The following HDHD2 variants were observed in gnomAD, a reference collection of about 807,000 sequenced individuals.
The protein encoded by HDHD2 is haloacid dehalogenase like hydrolase domain containing 2.
In HDHD2, 26 loss-of-function variants were observed where a neutral mutation model predicts 24.8. The observed-to-expected ratio is 1.05, with a 90% CI of 0.77 to 1.45. The LOEUF (loss-of-function observed/expected upper bound fraction) is 1.45, where lower values mean the gene tolerates loss of function less well. Ranked by LOEUF, HDHD2 falls within the 40% of genes most tolerant of loss-of-function variation. HDHD2 has a pLI of 0.00. For missense variants in HDHD2, 299 were observed against 313.4 expected, an observed-to-expected ratio of 0.95 and a Z score of 0.35; for synonymous variants, 128 against 114.9, an observed-to-expected ratio of 1.11 and a Z score of -0.73.
intron 3 of HDHD2, chr18:47,134,283 G>C: frequency 1.0e-5 from 6 of 584,258 alleles, no homozygotes; most frequent in Non-Finnish European, 1.8e-5. Context: ...ATATAGATAT[G>C]TATTAGGTTA....
intron 1 of HDHD2, among the ~76,000 whole-genome samples, chr18:47,147,747 G>A (rs990460967): frequency 6.6e-6 from 1 of 152,112 alleles, no homozygotes; most frequent in Non-Finnish European, 1.5e-5. Flanking sequence ...CAGGCTTAAT[G>A]TTACCAAAAC....
chr18:47,138,394 T>C (rs568596695), intron 1 of HDHD2, among the ~76,000 whole-genome samples: 1 of 151,832 alleles, frequency 6.6e-6, no homozygotes, highest in South Asian at 2.1e-4. Context: ...CTAAAGAAAA[T>C]TGTACAAAAC....
chr18:47,150,234 GCA>G (rs1023768066), intron 1 of HDHD2, 142 bp downstream of exon 1: 3 of 152,328 alleles, frequency 2.0e-5, no homozygotes, highest in Non-Finnish European at 2.9e-5. Flanking sequence ...CAGGGAATGC[GCA>G]CAGAGCAAGA....
At chr18:47,139,529 T>G (rs2063800959) in intron 1 of HDHD2, among the ~76,000 whole-genome samples, 2 of 151,208 alleles carry the variant, frequency 1.3e-5, no homozygotes, top group Non-Finnish European at 2.9e-5. Flanking sequence ...AGTAAGTGTT[T>G]CCCTGAATTT....
intron 1 of HDHD2, 160 bp downstream of exon 1, chr18:47,150,218 G>C (rs1351025857): frequency 6.6e-6 from 1 of 152,298 alleles, no homozygotes; most frequent in East Asian, 1.9e-4. Flanking sequence ...GTTCCGACGC[G>C]GAAAACAGGG....
intron 1 of HDHD2, chr18:47,136,978 C>T: frequency 3.5e-6 from 2 of 571,246 alleles, no homozygotes; most frequent in Non-Finnish European, 6.5e-6. Context: ...CATGGTACCT[C>T]TTTTGTGAAG....
intron 4 of HDHD2, among the ~76,000 whole-genome samples, chr18:47,128,500 C>T (rs2063681889): frequency 6.6e-6 from 1 of 152,118 alleles, no homozygotes; most frequent in African/African-American, 2.4e-5. Flanking sequence ...CAACCAAAGG[C>T]CAAAGTAGGA....
intron 1 of HDHD2, among the ~76,000 whole-genome samples, chr18:47,140,953 T>C (rs1184358093): frequency 1.3e-5 from 2 of 152,222 alleles, no homozygotes; most frequent in Non-Finnish European, 2.9e-5. Flanking sequence ...CCACAAGTGA[T>C]AATTTTTTCT....
intron 4 of HDHD2, among the ~76,000 whole-genome samples, chr18:47,129,659 A>G (rs557696597): frequency 1.3e-5 from 2 of 152,328 alleles, no homozygotes; most frequent in East Asian, 1.9e-4. Context: ...ACTCTTTTCC[A>G]TAACCTGGAT....
At chr18:47,147,392 G>A (rs931994808) in intron 1 of HDHD2, among the ~76,000 whole-genome samples, 4 of 152,156 alleles carry the variant, frequency 2.6e-5, no homozygotes, top group African/African-American at 7.2e-5. Flanking sequence ...TTACCTCCCT[G>A]AGACAGAAAA....
chr18:47,132,748 A>C (rs543237615), intron 3 of HDHD2, among the ~76,000 whole-genome samples: 1 of 152,366 alleles, frequency 6.6e-6, no homozygotes, highest in South Asian at 2.1e-4. Flanking sequence ...CTCTGAAAAG[A>C]AGCAATGTGG....
chr18:47,141,221 C>T (rs114471713), intron 1 of HDHD2, among the ~76,000 whole-genome samples: 1,595 of 152,302 alleles, frequency 0.01, 25 homozygotes, highest in African/African-American at 0.037. Flanking sequence ...GAGATGATCA[C>T]ATTTTTTCCC....
chr18:47,150,237 C>T (rs970906132), intron 1 of HDHD2, 141 bp downstream of exon 1: 1 of 152,332 alleles, frequency 6.6e-6, no homozygotes, highest in Non-Finnish European at 1.5e-5. Context: ...GGAATGCGCA[C>T]AGAGCAAGAG....
chr18:47,149,586 GCT>G (rs2063909090), intron 1 of HDHD2, among the ~76,000 whole-genome samples: 1 of 152,016 alleles, frequency 6.6e-6, no homozygotes, highest in Non-Finnish European at 1.5e-5. Context: ...GCGGCCAAGA[GCT>G]CTACACTTTG....
In HDHD2 at chr18:47,119,600, G is replaced by A. The variant is rs561619634; in HGVS notation, c.396-4252C>T. ...ATCTGCAGTTACTTCCTTCACTGAA[G>A]TCTTGAACCCCTCAAAGTCATCCAT... On this transcript the variant is annotated intron_variant, in intron 4 of 6. Coordinates refer to ENST00000300605, the MANE Select transcript of HDHD2 (RefSeq NM_032124.5). Among the ~76,000 whole-genome samples the A allele has an allele frequency of 5.1e-4, 77 of 152,278 alleles. 1 individual carries two copies. The South Asian group carries it at 0.016, about 31-fold the overall frequency.
chr18:47,121,268 T>C (rs1054834048), intron 4 of HDHD2, among the ~76,000 whole-genome samples: 1 of 152,158 alleles, frequency 6.6e-6, no homozygotes, highest in Non-Finnish European at 1.5e-5. Context: ...ACACCTACCA[T>C]ATGTCCAACG....
chr18:47,126,155 G>A (rs1339383767), intron 4 of HDHD2, among the ~76,000 whole-genome samples: 1 of 152,122 alleles, frequency 6.6e-6, no homozygotes, highest in Non-Finnish European at 1.5e-5. Flanking sequence ...CTTTAATTAA[G>A]AACACTGCAT....
chr18:47,124,724 A>C (rs1394087588), intron 4 of HDHD2, among the ~76,000 whole-genome samples: 4 of 151,418 alleles, frequency 2.6e-5, no homozygotes, highest in African/African-American at 9.7e-5. Context: ...AAAAAAAAAA[A>C]AAAACAACTT....
chr18:47,132,218 T>C (rs1032528549), intron 3 of HDHD2, among the ~76,000 whole-genome samples: 3 of 152,224 alleles, frequency 2.0e-5, no homozygotes, highest in East Asian at 1.9e-4. Flanking sequence ...CATCTTACTT[T>C]TTTCATTTAA....
Sources: gnomAD v4.1 joint callset for allele counts (sites outside exome capture counted in the v4.1 genomes callset) on GRCh38, gnomAD v4.1.1 for gene constraint, MANE v1.5 for transcripts, NCBI Gene and HGNC (gene_info 2026-07-23, HGNC 2026-07-21) for gene names.